ACVR1C: variants seen among roughly 807,000 people sequenced by gnomAD.
ACVR1C encodes activin A receptor type 1C.
In ACVR1C, 23 loss-of-function variants were observed where a neutral mutation model predicts 57.9. The ratio of observed to expected loss-of-function variants is 0.40; its 90% CI spans 0.29 to 0.56. The LOEUF is 0.56. Among genes scored for constraint, ACVR1C ranks in the 20% least tolerant of loss-of-function variants. The pLI is 0.50. For synonymous variants in ACVR1C, 214 were observed against 215.3 expected (o/e 0.99, Z 0.05); for missense variants, 480 against 607.9 (o/e 0.79, Z 2.21).
At chr2:157,611,416 G>A (rs1682529875) in intron 1 of ACVR1C, among the ~76,000 whole-genome samples, 2 of 152,214 alleles carry the variant, frequency 1.3e-5, no homozygotes, top group Admixed American at 6.5e-5. Context: ...AGTGGTGGCA[G>A]CAGTGGGCTG....
chr2:157,546,363 C>A (rs1284818108), intron 4 of ACVR1C, among the ~76,000 whole-genome samples: 1 of 152,192 alleles, frequency 6.6e-6, no homozygotes, highest in African/African-American at 2.4e-5. Context: ...CTTAGCAAAT[C>A]AGAAATGGCA....
chr2:157,541,486 C>G (rs1687624481), intron 6 of ACVR1C, among the ~76,000 whole-genome samples: 1 of 152,144 alleles, frequency 6.6e-6, no homozygotes, highest in African/African-American at 2.4e-5. Flanking sequence ...AATCTACAGT[C>G]CATGGGCCTG....
intron 1 of ACVR1C, among the ~76,000 whole-genome samples, chr2:157,601,622 A>G (rs1682283816): frequency 6.6e-6 from 1 of 152,198 alleles, no homozygotes; most frequent in African/African-American, 2.4e-5. Context: ...AAACTATAGC[A>G]AAGAAACAAA....
chr2:157,622,538 GGTCCTGGGAAAACT>G (rs1389427621), intron 1 of ACVR1C, among the ~76,000 whole-genome samples: 1 of 152,132 alleles, frequency 6.6e-6, no homozygotes, highest in East Asian at 1.9e-4. Context: ...TTCAATAAAT[GGTCCTGGGAAAACT>G]GGATATCCAT....
chr2:157,596,448 G>A (rs952466121), intron 1 of ACVR1C, among the ~76,000 whole-genome samples: 2 of 152,072 alleles, frequency 1.3e-5, no homozygotes, highest in African/African-American at 4.8e-5. Context: ...AACCACTAAT[G>A]TATACAACTT....
chr2:157,568,021 G>T (rs1688439119), intron 2 of ACVR1C, among the ~76,000 whole-genome samples: 1 of 149,284 alleles, frequency 6.7e-6, no homozygotes, highest in African/African-American at 2.4e-5. Context: ...GGATCTCTCG[G>T]CAGAAACCCT....
At chr2:157,545,155 A>G (rs1163568545) in intron 4 of ACVR1C, among the ~76,000 whole-genome samples, 1 of 152,244 alleles carries the variant, frequency 6.6e-6, no homozygotes, top group Non-Finnish European at 1.5e-5. Context: ...CAATTACTAG[A>G]CATTTTCAAA....
rs71402394 is a variant in ACVR1C, at chr2:157,588,848, C to CATATATATATATATAT, written c.74-1447_74-1432dup. On this transcript the variant is annotated intron_variant, in intron 1 of 8. Coordinates refer to ENST00000243349, the MANE Select transcript of ACVR1C (RefSeq NM_145259.3). ...TACACAAATACATACACAAACACAC[C>CATATATATATATATAT]ATATATATATATATATATATATATA... 8.3e-3 allele frequency among the ~76,000 whole-genome samples: 742 copies of CATATATATATATATAT among 88,916 alleles called. 14 individuals carry two copies. The highest frequency in any genetic ancestry group is 0.01 in the Non-Finnish European group (417 of 41,500). The allele number at this position is 88,916 out of a possible 152,430, so 58.3% of individuals were successfully genotyped here.
At chr2:157,627,082 A>T (rs1031773755) in intron 1 of ACVR1C, among the ~76,000 whole-genome samples, 17 of 152,304 alleles carry the variant, frequency 1.1e-4, no homozygotes, top group African/African-American at 3.6e-4. Flanking sequence ...GCTACATTTT[A>T]AAAAAATTGA....
chr2:157,589,792 C>T lies in ACVR1C; in HGVS notation c.74-2375G>A, dbSNP rs1041551708. ...TTCAAATTATACTATAAATATAGGGCTACAGTAACCAAAACGGCATGGTAC... is the reference window on the plus strand; with the variant it reads ...TTCAAATTATACTATAAATATAGGGTTACAGTAACCAAAACGGCATGGTAC... On this transcript the variant is annotated intron_variant, in intron 1 of 8. Coordinates refer to ENST00000243349, the MANE Select transcript of ACVR1C (RefSeq NM_145259.3). 3.3e-5 allele frequency among the ~76,000 whole-genome samples: 5 copies of T among 151,838 alleles called. No homozygotes were observed. The East Asian group carries it at 7.7e-4, about 23-fold the overall frequency.
intron 2 of ACVR1C, among the ~76,000 whole-genome samples, chr2:157,561,436 C>A (rs1688228119): frequency 6.6e-6 from 1 of 152,154 alleles, no homozygotes; most frequent in Non-Finnish European, 1.5e-5. Flanking sequence ...GGAGAAATTC[C>A]ACCACTGTCA....
intron 1 of ACVR1C, among the ~76,000 whole-genome samples, chr2:157,620,925 G>C (rs1275326888): frequency 6.6e-6 from 1 of 152,108 alleles, no homozygotes; most frequent in Non-Finnish European, 1.5e-5. Context: ...ATCCATCCCT[G>C]TCTTTTTATT....
chr2:157,545,359 C>T (rs1320999391), intron 4 of ACVR1C, among the ~76,000 whole-genome samples: 1 of 152,158 alleles, frequency 6.6e-6, no homozygotes, highest in East Asian at 1.9e-4. Context: ...TGCTAAGGAC[C>T]TATCTGGCCA....
chr2:157,539,122 T>G (rs917778209), intron 7 of ACVR1C, among the ~76,000 whole-genome samples: 1 of 151,990 alleles, frequency 6.6e-6, no homozygotes, highest in African/African-American at 2.4e-5. Context: ...ATTATGAAAT[T>G]TGTAGCACAG....
chr2:157,603,596 A>G (rs1226003931), intron 1 of ACVR1C, among the ~76,000 whole-genome samples: 1 of 152,134 alleles, frequency 6.6e-6, no homozygotes, highest in Non-Finnish European at 1.5e-5. Flanking sequence ...TTCACCTAAA[A>G]GAACAGGTGA....
chr2:157,599,229 GA>G (rs1682218659), intron 1 of ACVR1C, among the ~76,000 whole-genome samples: 1 of 146,820 alleles, frequency 6.8e-6, no homozygotes, highest in African/African-American at 2.5e-5. Flanking sequence ...AGGTACTCTG[GA>G]GGCTGAGGCA....
intron 1 of ACVR1C, among the ~76,000 whole-genome samples, chr2:157,604,478 G>A (rs1265804319): frequency 6.6e-6 from 1 of 151,966 alleles, no homozygotes; most frequent in African/African-American, 2.4e-5. Flanking sequence ...CCATTCATCA[G>A]TTAAAGGACA....
At chr2:157,618,197 G>A (rs1480708564) in intron 1 of ACVR1C, among the ~76,000 whole-genome samples, 2 of 151,750 alleles carry the variant, frequency 1.3e-5, no homozygotes. Context: ...TAAAACATAT[G>A]AGATTAATAG....
At chr2:157,621,853 T>C (rs1682780336) in intron 1 of ACVR1C, among the ~76,000 whole-genome samples, 1 of 152,202 alleles carries the variant, frequency 6.6e-6, no homozygotes, top group Non-Finnish European at 1.5e-5. Context: ...TTCGGGTTTA[T>C]CACAGCTCCT....
Sources: allele counts gnomAD v4.1 joint callset (sites outside exome capture counted in the v4.1 genomes callset), GRCh38; gene constraint gnomAD v4.1.1; transcripts MANE v1.5; gene names NCBI Gene and HGNC (gene_info 2026-07-23, HGNC 2026-07-21).